The following MED12L variants were observed in gnomAD, a reference collection of about 807,000 sequenced individuals.
MED12L encodes the protein mediator of RNA polymerase II transcription subunit 12-like protein.
Under a neutral mutation model 281.3 loss-of-function variants are expected in MED12L, and 60 were observed. That is an observed-to-expected ratio of 0.21 (90% confidence interval 0.17 to 0.26). The LOEUF is 0.26. MED12L is among the 10% of genes least tolerant of loss of function. The pLI is 1.00. For synonymous variants in MED12L, 974 were observed against 987.2 expected, an observed-to-expected ratio of 0.99 and a Z score of 0.25; for missense variants, 2,146 against 2,680.9, an observed-to-expected ratio of 0.80 and a Z score of 4.41.
chr3:151,199,505 T>C (rs1380097112), intron 16 of MED12L: 1 of 851,870 alleles, frequency 1.2e-6, no homozygotes, highest in Non-Finnish European at 1.8e-6. Context: ...TTAAAAGACA[T>C]TGGTCTTCAC....
At chr3:151,104,225 G>T (rs775743427) in intron 2 of MED12L, among the ~76,000 whole-genome samples, 9 of 152,192 alleles carry the variant, frequency 5.9e-5, no homozygotes, top group Non-Finnish European at 7.4e-5. Flanking sequence ...TGTGGCTCTG[G>T]TGTTAGAAGG....
chr3:151,414,710 TA>T (rs10712287), intron 42 of MED12L, among the ~76,000 whole-genome samples: 132,121 of 149,680 alleles, frequency 0.88, 58,279 homozygotes, highest in Middle Eastern at 0.95. Flanking sequence ...TTAAAAATGT[TA>T]AAAAAAAAAA....
intron 28 of MED12L, 61 bp from the exon 29 acceptor site, chr3:151,376,739 A>T: frequency 2.2e-6 from 3 of 1,340,886 alleles, no homozygotes; most frequent in Non-Finnish European, 3.2e-6. Flanking sequence ...TACTGTAAGA[A>T]ATTACTGTAT....
rs1712821841 is a variant in MED12L, at chr3:151,116,423, T to C, written c.185T>C (p.Ile62Thr). Reference sequence around the variant, plus strand: ...GATGAACATGGCTCAGCCAGAAATATTGTAATTAACCCATCAAAGGTAATG... The same window carrying C: ...GATGAACATGGCTCAGCCAGAAATACTGTAATTAACCCATCAAAGGTAATG... The part of the protein sequence containing the change: ...TGDEHGSARN[I>T]VINPSKIGAY... Residue 62 changes from isoleucine (I) to threonine (T), a missense_variant, in exon 3 of 45, where the codon ATT (isoleucine) becomes ACT (threonine). Ile to Thr is a moderately conservative substitution (Grantham distance 89, BLOSUM62 -1). This residue lies in a region of MED12L where 722 missense variants were observed against 861.2 expected (regional missense o/e 0.84). Transcript: ENST00000687756. The C allele has an allele frequency of 6.2e-7, 1 of 1,611,784 alleles. No homozygotes were observed. The highest frequency in any genetic ancestry group is 8.5e-7 in the Non-Finnish European group (1 of 1,178,190).
intron 16 of MED12L, among the ~76,000 whole-genome samples, chr3:151,281,781 A>G (rs1577223773): frequency 6.6e-6 from 1 of 152,156 alleles, no homozygotes; most frequent in East Asian, 1.9e-4. Flanking sequence ...CACATTCTCC[A>G]ATACCATTTA....
In MED12L at chr3:151,367,735, G is replaced by T; in HGVS notation, c.3417G>T (p.Gln1139His). 6.2e-7 allele frequency: 1 copy of T among 1,611,364 alleles called. No individual in the cohort carries two copies. The highest frequency in any genetic ancestry group is 8.5e-7 in the Non-Finnish European group (1 of 1,178,134). ...RQCFSLEDVVQHVALPSLLAA... is the reference protein window; with the variant it reads ...RQCFSLEDVVHHVALPSLLAA... The stretch of plus-strand genomic sequence containing the variant: ...GTTTTTCCCTGGAGGACGTCGTGCA[G>T]CATGTCGCACTTCCCTCTCTTCTAG... Residue 1139 changes from glutamine to histidine, a missense_variant, in exon 24 of 45, where the codon CAG becomes CAT. By Grantham distance (24) the Gln-to-His change is conservative (BLOSUM62 0). This residue lies in a region of MED12L where 404 missense variants were observed against 603.5 expected (regional missense o/e 0.67). Coordinates refer to ENST00000687756, the MANE Select transcript of MED12L (RefSeq NM_001393769.1).
intron 1 of MED12L, chr3:151,086,417 G>A (rs974272333): frequency 2.0e-5 from 3 of 152,350 alleles, no homozygotes; most frequent in African/African-American, 7.2e-5. Flanking sequence ...CTTCTTCCCG[G>A]GAGGGGAGGG....
rs760923870 is a variant in MED12L, at chr3:151,387,944, G to A, written c.5223G>A (p.Gln1741=). ...GAAGAGTGATCAAGTACGAGGAGCA[G>A]CATCACCTCCTGCTGTATCACACAC... ...VDRRVIKYEE[Q]HHLLLYHTHP... Residue 1741 remains glutamine, a synonymous_variant, in exon 37 of 45, where the codon CAG becomes CAA. Coordinates refer to ENST00000687756, the MANE Select transcript of MED12L (RefSeq NM_001393769.1). 2.5e-6 allele frequency: 4 copies of A among 1,613,872 alleles called. No individual in the cohort carries two copies. In the Admixed American group the frequency reaches 6.7e-5, roughly 27 times the overall value.
chr3:151,156,486 G>T (rs1719304937), intron 6 of MED12L, among the ~76,000 whole-genome samples, 156 bp downstream of exon 6: 1 of 152,176 alleles, frequency 6.6e-6, no homozygotes, highest in Admixed American at 6.5e-5. Flanking sequence ...TGTATTCAGG[G>T]TGACACATCT....
intron 16 of MED12L, among the ~76,000 whole-genome samples, chr3:151,276,780 G>A (rs1741934031): frequency 6.6e-6 from 1 of 152,200 alleles, no homozygotes; most frequent in South Asian, 2.1e-4. Context: ...CAACTGTGAA[G>A]TGGGCACCGT....
In MED12L at chr3:151,376,822, G is replaced by A. The variant is rs752471685; in HGVS notation, c.4076G>A (p.Arg1359Lys). ...CAGAATCTTGAGCAGTGGACACTGA[G>A]GCAATCCTGGTTAGAACTCCAGCTA... is the stretch of plus-strand genomic sequence containing the variant. Reference protein sequence around the residue: ...ILQNLEQWTLRQSWLELQLMI... With the variant: ...ILQNLEQWTLKQSWLELQLMI... Residue 1359 changes from arginine to lysine, a missense_variant, in exon 29 of 45, where the codon AGG becomes AAG. By Grantham distance (26) the Arg-to-Lys change is conservative. This residue lies in a region of MED12L where 235 missense variants were observed against 260.3 expected (regional missense o/e 0.90). Transcript: ENST00000687756. 3 of 1,613,980 alleles carry A rather than the reference G, an allele frequency of 1.9e-6. No individual in the cohort carries two copies. The highest frequency in any genetic ancestry group is 2.2e-5 in the South Asian group (2 of 91,078).
chr3:151,332,426 TA>T lies in MED12L; in HGVS notation c.2251-17629del, dbSNP rs544152021. Reference sequence around the variant, plus strand: ...TTTAAAAATTCCATACAAGAGTAACTAAAAGTGGTAAACTAAAAGTGGTAAT... The same window carrying T: ...TTTAAAAATTCCATACAAGAGTAACTAAAGTGGTAAACTAAAAGTGGTAAT... On this transcript the variant is annotated intron_variant, in intron 16 of 44. Coordinates refer to ENST00000687756, the MANE Select transcript of MED12L (RefSeq NM_001393769.1). Among the ~76,000 whole-genome samples the T allele has an allele frequency of 9.9e-4, 151 of 152,324 alleles. 1 individual carries two copies. The highest frequency in any genetic ancestry group is 1.5e-3 in the Non-Finnish European group (102 of 68,010).
intron 14 of MED12L, 46 bp downstream of exon 14, chr3:151,190,977 T>G: frequency 4.5e-6 from 7 of 1,544,296 alleles, no homozygotes; most frequent in South Asian, 1.1e-5. Context: ...AACTAAACTC[T>G]ACTGGGAACC....
At chr3:151,307,602 G>T (rs768283401) in intron 16 of MED12L, among the ~76,000 whole-genome samples, 1 of 149,988 alleles carries the variant, frequency 6.7e-6, no homozygotes, top group Non-Finnish European at 1.5e-5. Context: ...GCAGATGGGG[G>T]GTTGATGTAA....
At chr3:151,086,187 G>A (rs751533671) in intron 1 of MED12L, among the ~76,000 whole-genome samples, 1 of 152,168 alleles carries the variant, frequency 6.6e-6, no homozygotes, top group Non-Finnish European at 1.5e-5. Context: ...CGGAGCCGCC[G>A]AGGGGACCGT....
At chr3:151,118,463 T>A (rs948884814) in intron 3 of MED12L, among the ~76,000 whole-genome samples, 7 of 152,226 alleles carry the variant, frequency 4.6e-5, no homozygotes, top group Non-Finnish European at 1.5e-5. Flanking sequence ...TTTTTCAATC[T>A]TGGTACAATT....
intron 2 of MED12L, among the ~76,000 whole-genome samples, chr3:151,088,784 C>T (rs1460960549): frequency 2.0e-5 from 3 of 152,164 alleles, no homozygotes; most frequent in African/African-American, 7.2e-5. Flanking sequence ...CTCGTTTAAC[C>T]AAGGTGTATA....
At chr3:151,108,133 A>G (rs1441585004) in intron 2 of MED12L, among the ~76,000 whole-genome samples, 1 of 151,904 alleles carries the variant, frequency 6.6e-6, no homozygotes, top group Admixed American at 6.6e-5. Context: ...AAACTGTTTC[A>G]GGAAGATTCA....
At chr3:151,198,766 G>A (rs1381942400) in intron 16 of MED12L, 1 of 1,613,440 alleles carries the variant, frequency 6.2e-7, no homozygotes, top group Non-Finnish European at 8.5e-7. Flanking sequence ...CTTTGTTTCT[G>A]TAGAGCTGTC....
Sources: gnomAD v4.1 joint callset for allele counts (sites outside exome capture counted in the v4.1 genomes callset) on GRCh38, gnomAD v4.1.1 for gene constraint, gnomAD v4.1.1 regional missense constraint, MANE v1.5 for transcripts, NCBI Gene and HGNC (gene_info 2026-07-23, HGNC 2026-07-21) for gene names.